Variants in KCNIP4 observed in about 807,000 individuals in gnomAD.
The protein encoded by KCNIP4 is Kv channel-interacting protein 4.
KCNIP4 carries 12 observed loss-of-function variants against 34.0 expected under a neutral mutation model. That is an observed-to-expected ratio of 0.35 (90% CI 0.23 to 0.57). The LOEUF (loss-of-function observed/expected upper bound fraction) is 0.57, where lower values mean the gene tolerates loss of function less well. Ranked by LOEUF, KCNIP4 falls within the 20% of genes least tolerant of loss-of-function variation. KCNIP4 has a pLI of 0.83. For missense variants in KCNIP4, 238 were observed against 311.7 expected (o/e 0.76, Z 1.78); for synonymous variants, 124 against 102.2 (o/e 1.21, Z -1.29).
chr4:21,032,340 A>C (rs1741098808), intron 1 of KCNIP4, among the ~76,000 whole-genome samples: 1 of 152,094 alleles, frequency 6.6e-6, no homozygotes, highest in Non-Finnish European at 1.5e-5. Context: ...GGGAATATAT[A>C]AATATTGCAT....
chr4:21,715,797 T>C (rs1347479958), intron 1 of KCNIP4, among the ~76,000 whole-genome samples: 1 of 152,204 alleles, frequency 6.6e-6, no homozygotes, highest in Non-Finnish European at 1.5e-5. Flanking sequence ...TAAAAATTAA[T>C]TTGCTTTCTT....
chr4:21,274,472 A>G (rs1236117222), intron 1 of KCNIP4, among the ~76,000 whole-genome samples: 1 of 152,212 alleles, frequency 6.6e-6, no homozygotes, highest in African/African-American at 2.4e-5. Flanking sequence ...CTAAGAGGAA[A>G]TTGAGAACAC....
rs570406651 is a variant in KCNIP4, at chr4:21,343,344, G to T, written c.62-460635C>A. ...GATACTACTTAAAAAAGGAAAGAGA[G>T]AAAAAAAATAAGAAAAAGTGAGGAG... On this transcript the variant is annotated intron_variant, in intron 1 of 8. Transcript: ENST00000382152. Among the ~76,000 whole-genome samples the T allele has an allele frequency of 7.9e-5, 12 of 151,750 alleles. 1 individual carries two copies. The highest frequency in any genetic ancestry group is 2.9e-4 in the African/African-American group (12 of 41,420).
At chr4:21,295,445 C>T (rs1479195531) in intron 1 of KCNIP4, among the ~76,000 whole-genome samples, 1 of 152,120 alleles carries the variant, frequency 6.6e-6, no homozygotes, top group East Asian at 1.9e-4. Context: ...ACAGTAAGTT[C>T]TAAAGTCCTT....
intron 1 of KCNIP4, among the ~76,000 whole-genome samples, chr4:21,109,299 G>C (rs914697715): frequency 5.4e-5 from 8 of 147,062 alleles, no homozygotes; most frequent in African/African-American, 1.7e-4. Flanking sequence ...GCAAGCCTAG[G>C]CAATGGCAGG....
At chr4:21,303,616 T>C (rs1044999169) in intron 1 of KCNIP4, among the ~76,000 whole-genome samples, 1 of 152,204 alleles carries the variant, frequency 6.6e-6, no homozygotes, top group Non-Finnish European at 1.5e-5. Flanking sequence ...CATTCTCTTG[T>C]GAAAACATTA....
chr4:20,882,045 A>T (rs1014696802), intron 2 of KCNIP4, among the ~76,000 whole-genome samples: 12 of 152,220 alleles, frequency 7.9e-5, no homozygotes, highest in African/African-American at 2.9e-4. Flanking sequence ...ATGTGTATGT[A>T]TGTATATGAT....
intron 1 of KCNIP4, among the ~76,000 whole-genome samples, chr4:21,631,818 T>C (rs1745785595): frequency 6.6e-6 from 1 of 152,232 alleles, no homozygotes; most frequent in South Asian, 2.1e-4. Context: ...TGAAAATTGA[T>C]TTTCCTCTGA....
chr4:21,040,635 A>G (rs1200068674), intron 1 of KCNIP4, among the ~76,000 whole-genome samples: 1 of 152,166 alleles, frequency 6.6e-6, no homozygotes. Context: ...CTTTACTGCA[A>G]TGCTACTTTA....
chr4:21,682,322 A>C (rs1193271457), intron 1 of KCNIP4, among the ~76,000 whole-genome samples: 2 of 152,104 alleles, frequency 1.3e-5, no homozygotes, highest in African/African-American at 4.8e-5. Flanking sequence ...CCCACCTCCA[A>C]CACTGGGGAT....
intron 1 of KCNIP4, among the ~76,000 whole-genome samples, chr4:21,651,609 T>C (rs1560594148): frequency 6.6e-6 from 1 of 152,214 alleles, no homozygotes; most frequent in Non-Finnish European, 1.5e-5. Flanking sequence ...TGATGAATGC[T>C]GAATGACTCA....
intron 2 of KCNIP4, among the ~76,000 whole-genome samples, chr4:20,877,380 C>T (rs986780940): frequency 1.3e-5 from 2 of 152,150 alleles, no homozygotes; most frequent in Non-Finnish European, 2.9e-5. Context: ...ATTCAACTAT[C>T]CCCTGTTGCC....
intron 1 of KCNIP4, among the ~76,000 whole-genome samples, chr4:21,876,746 T>C (rs1205892320): frequency 6.6e-6 from 1 of 152,196 alleles, no homozygotes; most frequent in Admixed American, 6.5e-5. Flanking sequence ...TTCTAATGTA[T>C]ATTTCATCAT....
intron 1 of KCNIP4, among the ~76,000 whole-genome samples, chr4:21,290,300 G>A (rs57242813): frequency 0.031 from 4,783 of 152,012 alleles, 267 homozygotes; most frequent in African/African-American, 0.11. Flanking sequence ...TTCATTTTAC[G>A]TTGATAAATT....
At chr4:20,837,682 ATATAT>A (rs1302729661) in intron 3 of KCNIP4, among the ~76,000 whole-genome samples, 1 of 109,714 alleles carries the variant, frequency 9.1e-6, no homozygotes. Context: ...ATATATATAT[ATATAT>A]TTTTTTTTCC....
At chr4:21,933,488 T>C (rs1578158812) in intron 1 of KCNIP4, among the ~76,000 whole-genome samples, 4 of 152,104 alleles carry the variant, frequency 2.6e-5, no homozygotes, top group Admixed American at 1.3e-4. Context: ...TTCTGACTTA[T>C]AAAACATATT....
chr4:21,593,125 G>T (rs1045925458), intron 1 of KCNIP4, among the ~76,000 whole-genome samples: 82 of 150,886 alleles, frequency 5.4e-4, no homozygotes, highest in African/African-American at 1.7e-3. Flanking sequence ...GTGTTTGTGT[G>T]TGTGTGTGTG....
intron 3 of KCNIP4, among the ~76,000 whole-genome samples, chr4:20,784,248 T>C (rs1711622783): frequency 6.6e-6 from 1 of 152,170 alleles, no homozygotes; most frequent in Admixed American, 6.5e-5. Flanking sequence ...GCACATCACG[T>C]TCAAGTGCCT....
At chr4:21,084,327 G>C (rs1746240463) in intron 1 of KCNIP4, among the ~76,000 whole-genome samples, 2 of 151,880 alleles carry the variant, frequency 1.3e-5, no homozygotes, top group Non-Finnish European at 2.9e-5. Flanking sequence ...GTCATCAAAG[G>C]TGAATTGATA....
Sources: allele counts gnomAD v4.1 joint callset (sites outside exome capture counted in the v4.1 genomes callset), GRCh38; gene constraint gnomAD v4.1.1; transcripts MANE v1.5; gene names NCBI Gene and HGNC (gene_info 2026-07-23, HGNC 2026-07-21).